Variants in LRRC42 observed in about 807,000 individuals in gnomAD.
LRRC42 encodes the protein leucine-rich repeat-containing protein 42.
In LRRC42, 43 loss-of-function variants were observed where a neutral mutation model predicts 44.3. The observed-to-expected ratio is 0.97, with a 90% CI of 0.76 to 1.25. LRRC42 has a LOEUF of 1.25. Ranked by LOEUF, LRRC42 falls within the 50% of genes most tolerant of loss-of-function variation. The pLI is 0.00. For synonymous variants in LRRC42, 207 were observed against 195.2 expected (o/e 1.06, Z -0.50); for missense variants, 540 against 509.1 (o/e 1.06, Z -0.58).
Position 53,952,311 on chromosome 1 carries a change from T to G in LRRC42, c.312T>G (p.Ile104Met). 6.2e-7 allele frequency: 1 copy of G among 1,614,232 alleles called. No individual in the cohort carries two copies. The highest frequency in any genetic ancestry group is 8.5e-7 in the Non-Finnish European group (1 of 1,180,012). The change falls in exon 3 of 9, where the codon ATT becomes ATG. Residue 104 changes from isoleucine (I) to methionine (M), a missense_variant. Transcript: ENST00000371370. ...TCATCTCCGACAATGTGGATCACATTGATTCCCTTATTGGCTTTCCTGAGC... is the reference window on the plus strand; with the variant it reads ...TCATCTCCGACAATGTGGATCACATGGATTCCCTTATTGGCTTTCCTGAGC... Reference protein sequence around the residue: ...LGFISDNVDHIDSLIGFPEQI... With the variant: ...LGFISDNVDHMDSLIGFPEQI...
intron 2 of LRRC42, among the ~76,000 whole-genome samples, chr1:53,950,118 T>G (rs1224479316): frequency 6.6e-6 from 1 of 152,196 alleles, no homozygotes; most frequent in Admixed American, 6.5e-5. Flanking sequence ...TAGGAGAGAC[T>G]GGGTGCTCTG....
rs753138424 is a variant in LRRC42 at position 53,952,227 on chromosome 1, C to T, written c.228C>T (p.Tyr76=). The T allele has an allele frequency of 4.9e-5, 79 of 1,614,156 alleles. No individual in the cohort carries two copies. The highest frequency in any genetic ancestry group is 6.3e-5 in the Non-Finnish European group (74 of 1,180,052). The change falls in exon 3 of 9, where the codon TAC becomes TAT. Residue 76 remains tyrosine (Y), a synonymous_variant. Coordinates refer to ENST00000371370, the MANE Select transcript of LRRC42 (RefSeq NM_001256409.2). ...KEKTDHFIFT[Y]TREGNLRYSA... is the part of the protein sequence containing the mutation. ...AGACTGATCATTTCATCTTCACATACACCCGAGAGGGGAATCTTCGGTACT... is the reference window on the plus strand; with the variant it reads ...AGACTGATCATTTCATCTTCACATATACCCGAGAGGGGAATCTTCGGTACT...
chr1:53,964,292 T>C (rs898593102), intron 7 of LRRC42, among the ~76,000 whole-genome samples: 4 of 152,162 alleles, frequency 2.6e-5, no homozygotes, highest in East Asian at 3.8e-4. Flanking sequence ...GACTGATTCC[T>C]CTTTCTTCCT....
At position 53,968,164 on chromosome 1, in the gene LRRC42, C is replaced by A; in HGVS notation, c.*225C>A. 2.1e-6 allele frequency: 1 copy of A among 465,648 alleles called. No individual in the cohort carries two copies. The highest frequency in any genetic ancestry group is 3.9e-6 in the Non-Finnish European group (1 of 259,526). The allele number at this position is 465,648 out of a possible 1,614,324, so 28.8% of individuals were successfully genotyped here. ...TTTTCAAATAAACATTTTTGCTGTCCTTAAGTTCTGCTTGTGGATTATAGA... is the reference window on the plus strand; with the variant it reads ...TTTTCAAATAAACATTTTTGCTGTCATTAAGTTCTGCTTGTGGATTATAGA... On this transcript the variant is annotated 3_prime_UTR_variant, in exon 9 of 9. Coordinates refer to ENST00000371370, the MANE Select transcript of LRRC42 (RefSeq NM_001256409.2).
intron 3 of LRRC42, among the ~76,000 whole-genome samples, chr1:53,955,528 C>T (rs935918342): frequency 2.0e-5 from 3 of 151,900 alleles, no homozygotes; most frequent in African/African-American, 7.3e-5. Flanking sequence ...GAACTGCTGA[C>T]CTCAAGTGAT....
At chr1:53,949,641 A>G (rs1465730285) in intron 2 of LRRC42, among the ~76,000 whole-genome samples, 3 of 152,208 alleles carry the variant, frequency 2.0e-5, no homozygotes, top group African/African-American at 7.2e-5. Flanking sequence ...AGAATAAATG[A>G]GGTGTCTCCT....
rs147830286 is a variant in LRRC42 at position 53,967,152 on chromosome 1, A to G, written c.1013-513A>G. Among the ~76,000 whole-genome samples the G allele has an allele frequency of 7.9e-3, 1,199 of 152,350 alleles. 12 individuals are homozygous for G. The highest frequency in any genetic ancestry group is 0.028 in the African/African-American group (1,144 of 41,574). ...AGAAAAGGAAGTAAATGATGAAATC[A>G]AAGTGAAGGAAATGTAAAGGTACTA... On this transcript the variant is annotated intron_variant, in intron 8 of 8. Transcript: ENST00000371370.
At chr1:53,956,090 T>C (rs1654829947) in intron 3 of LRRC42, among the ~76,000 whole-genome samples, 1 of 152,214 alleles carries the variant, frequency 6.6e-6, no homozygotes, top group South Asian at 2.1e-4. Context: ...AATCCAGGGC[T>C]GTAGCTGCAG....
rs150876592 is a variant in LRRC42 at position 53,961,675 on chromosome 1, GGAGGTGAA to G, written c.725-358_725-351del. Among the ~76,000 whole-genome samples the G allele has an allele frequency of 9.3e-3, 1,410 of 152,270 alleles. 24 individuals are homozygous for G. Among genetic ancestry groups the G allele is most frequent in the African/African-American group, 0.032 (1,344 of 41,546 alleles). On this transcript the variant is annotated intron_variant, in intron 5 of 8. Transcript: ENST00000371370. ...TAAAATAAATAAATGCTTTTACTTT[GGAGGTGAA>G]ATGGCCATGAATAAAGTATGATAAA...
chr1:53,950,816 CT>C (rs1305677780), intron 2 of LRRC42, among the ~76,000 whole-genome samples: 1 of 152,146 alleles, frequency 6.6e-6, no homozygotes, highest in African/African-American at 2.4e-5. Context: ...AACTGTTTGA[CT>C]TTTTTATGTT....
intron 3 of LRRC42, among the ~76,000 whole-genome samples, chr1:53,957,410 G>A (rs761266293): frequency 7.2e-5 from 11 of 152,180 alleles, no homozygotes; most frequent in Non-Finnish European, 1.5e-4. Flanking sequence ...CTAGAAAGCA[G>A]GGTGGAGGCC....
chr1:53,967,946 G>A lies in LRRC42; in HGVS notation c.*7G>A. The A allele has an allele frequency of 6.2e-7, 1 of 1,607,718 alleles. No homozygotes were observed. The highest frequency in any genetic ancestry group is 8.5e-7 in the Non-Finnish European group (1 of 1,175,492). On this transcript the variant is annotated 3_prime_UTR_variant, in exon 9 of 9. Transcript: ENST00000371370. Reference sequence around the variant, plus strand: ...CTTGTTAAATTCCTATTGATTAGTAGATACAAGTTGACCTTTCTCTGGCCC... The same window carrying A: ...CTTGTTAAATTCCTATTGATTAGTAAATACAAGTTGACCTTTCTCTGGCCC...
Position 53,952,283 on chromosome 1 carries a change from G to A in LRRC42, c.284G>A (p.Gly95Asp). 6.2e-7 allele frequency: 1 copy of A among 1,614,192 alleles called. No individual in the cohort carries two copies. Among genetic ancestry groups the A allele is most frequent in the South Asian group, 1.1e-5 (1 of 91,076 alleles). ...SAKSLFSLVL[G>D]FISDNVDHID... is the part of the protein sequence containing the mutation. ...AAATCCCTCTTCAGCCTTGTCCTGG[G>A]TTTCATCTCCGACAATGTGGATCAC... is the stretch of plus-strand genomic sequence containing the variant. Residue 95 changes from glycine to aspartate, a missense_variant, in exon 3 of 9, where the codon GGT (glycine) becomes GAT (aspartate). Physicochemically the swap from Gly to Asp is moderately conservative, Grantham distance 94 (BLOSUM62 -1). Coordinates refer to ENST00000371370, the MANE Select transcript of LRRC42 (RefSeq NM_001256409.2).
chr1:53,961,226 A>G (rs955175515), intron 5 of LRRC42, among the ~76,000 whole-genome samples: 1 of 152,114 alleles, frequency 6.6e-6, no homozygotes, highest in Admixed American at 6.6e-5. Context: ...TGGCTAACAC[A>G]GTGAAACCCC....
chr1:53,949,212 G>C (rs1005768194), intron 2 of LRRC42, among the ~76,000 whole-genome samples: 1 of 152,112 alleles, frequency 6.6e-6, no homozygotes, highest in African/African-American at 2.4e-5. Flanking sequence ...CAAGCTGCTT[G>C]TGCCCTCTGC....
intron 4 of LRRC42, among the ~76,000 whole-genome samples, chr1:53,958,989 A>G (rs1654924253): frequency 6.6e-6 from 1 of 152,026 alleles, no homozygotes. Flanking sequence ...GGTTCAAGCT[A>G]TTCTCATGCC....
intron 8 of LRRC42, 152 bp downstream of exon 8, chr1:53,966,532 A>AT: frequency 1.7e-6 from 1 of 597,040 alleles, no homozygotes; most frequent in East Asian, 2.8e-5. Flanking sequence ...AGCTTACAGT[A>AT]TAAGTTCACA....
rs891058901 is a variant in LRRC42 at position 53,968,038 on chromosome 1, A to G, written c.*99A>G. ...CTTTTTGTTTGAATTTACCTATGGC[A>G]TTAGCATAGTAAGCAGATATTTCTA... On this transcript the variant is annotated 3_prime_UTR_variant, in exon 9 of 9. Coordinates refer to ENST00000371370, the MANE Select transcript of LRRC42 (RefSeq NM_001256409.2). 1.6e-6 allele frequency: 2 copies of G among 1,245,884 alleles called. No individual in the cohort carries two copies. The highest frequency in any genetic ancestry group is 1.1e-6 in the Non-Finnish European group (1 of 886,460). The allele number at this position is 1,245,884 out of a possible 1,614,324, so 77.2% of individuals were successfully genotyped here. A position where few individuals can be genotyped will look rare whatever the true frequency, so the allele number is the denominator to read the frequency against.
In LRRC42 at chr1:53,962,433, C is replaced by T. The variant is rs111702811; in HGVS notation, c.927+24C>T. Reference sequence around the variant, plus strand: ...AGGTACTCCAGATTTTTCTTCCTTGCGGTTGATGCAGCTTTTCATCTTAAT... The same window carrying T: ...AGGTACTCCAGATTTTTCTTCCTTGTGGTTGATGCAGCTTTTCATCTTAAT... On this transcript the variant is annotated intron_variant, in intron 7 of 8. Transcript: ENST00000371370. The T allele has an allele frequency of 1.3e-3, 1,750 of 1,396,808 alleles. 14 individuals carry two copies. In the African/African-American group the frequency reaches 0.021, roughly 17 times the overall value. 86.5% of individuals were successfully genotyped at this position (1,396,808 alleles called of 1,614,324 possible).
Sources: gnomAD v4.1 joint callset for allele counts (sites outside exome capture counted in the v4.1 genomes callset) on GRCh38, gnomAD v4.1.1 for gene constraint, MANE v1.5 for transcripts, NCBI Gene and HGNC (gene_info 2026-07-23, HGNC 2026-07-21) for gene names.